The following PPFIA2 variants were observed in gnomAD, a reference collection of about 807,000 sequenced individuals.
The protein encoded by PPFIA2 is liprin-alpha-2.
Under a neutral mutation model 175.5 loss-of-function variants are expected in PPFIA2, and 46 were observed. The ratio of observed to expected loss-of-function variants is 0.26; its 90% confidence interval spans 0.21 to 0.34. The LOEUF (loss-of-function observed/expected upper bound fraction) is 0.34, where lower values mean the gene tolerates loss of function less well. Among genes scored for constraint, PPFIA2 ranks in the 10% least tolerant of loss-of-function variants. PPFIA2 has a pLI of 1.00. For synonymous variants in PPFIA2, 568 were observed against 511.4 expected (o/e 1.11, Z -1.49); for missense variants, 1,179 against 1,506.1 (o/e 0.78, Z 3.60).
rs77226100 is a variant in PPFIA2 at position 81,473,752 on chromosome 12, T to C, written c.304-15886A>G. Among the ~76,000 whole-genome samples, 931 of 152,294 alleles carry C rather than the reference T, an allele frequency of 6.1e-3. 11 individuals are homozygous for C. The highest frequency in any genetic ancestry group is 0.021 in the African/African-American group (883 of 41,548). ...GATCATAGTCCAAGTTAGAAAAATA[T>C]CCTACCAAAAATTGTCCAACTGCAG... is the stretch of plus-strand genomic sequence containing the variant. On this transcript the variant is annotated intron_variant, in intron 4 of 32. Coordinates refer to ENST00000549396, the MANE Select transcript of PPFIA2 (RefSeq NM_003625.5).
chr12:81,514,369 C>A (rs539778816), intron 4 of PPFIA2, among the ~76,000 whole-genome samples: 1 of 152,020 alleles, frequency 6.6e-6, no homozygotes, highest in South Asian at 2.1e-4. Flanking sequence ...TTCACTGTTA[C>A]ATTCTATCAT....
intron 4 of PPFIA2, among the ~76,000 whole-genome samples, chr12:81,629,424 G>A (rs147046421): frequency 1.8e-3 from 268 of 152,054 alleles, no homozygotes; most frequent in African/African-American, 6.3e-3. Context: ...TTGGGGTTGG[G>A]GGAGGGCTGG....
intron 7 of PPFIA2, among the ~76,000 whole-genome samples, chr12:81,439,582 C>T (rs934618138): frequency 9.2e-5 from 14 of 152,010 alleles, no homozygotes; most frequent in African/African-American, 3.4e-4. Flanking sequence ...ATAGGCAGGA[C>T]CTGAGGGCAA....
chr12:81,744,548 A>C (rs889637792), intron 3 of PPFIA2, among the ~76,000 whole-genome samples: 3 of 151,094 alleles, frequency 2.0e-5, no homozygotes, highest in Non-Finnish European at 4.4e-5. Flanking sequence ...TCAGTCTCTC[A>C]AGTAGCTGTG....
chr12:81,529,075 C>G (rs1385756471), intron 4 of PPFIA2, among the ~76,000 whole-genome samples: 1 of 151,924 alleles, frequency 6.6e-6, no homozygotes, highest in Non-Finnish European at 1.5e-5. Flanking sequence ...TAATTTGTAA[C>G]TCATTAATGC....
chr12:81,510,834 C>A (rs1205372324), intron 4 of PPFIA2, among the ~76,000 whole-genome samples: 1 of 151,988 alleles, frequency 6.6e-6, no homozygotes, highest in Non-Finnish European at 1.5e-5. Context: ...GACTAACAAG[C>A]ATAAAAATAA....
intron 21 of PPFIA2, among the ~76,000 whole-genome samples, chr12:81,338,317 T>C (rs1435572243): frequency 6.6e-6 from 1 of 152,080 alleles, no homozygotes; most frequent in African/African-American, 2.4e-5. Context: ...AATTAATATA[T>C]AGAAAGACAA....
chr12:81,340,975 C>CAA, intron 20 of PPFIA2, 103 bp downstream of exon 20: 5 of 1,246,060 alleles, frequency 4.0e-6, no homozygotes, highest in Non-Finnish European at 5.4e-6. Context: ...AATTCTGGCT[C>CAA]AAATAATGTA....
intron 4 of PPFIA2, among the ~76,000 whole-genome samples, chr12:81,625,759 C>T (rs1484672949): frequency 6.7e-6 from 1 of 150,240 alleles, no homozygotes; most frequent in East Asian, 1.9e-4. Context: ...TACCCTCCAA[C>T]ATTTTTCTAA....
chr12:81,447,156 G>A (rs1418653379), intron 5 of PPFIA2, among the ~76,000 whole-genome samples: 3 of 151,858 alleles, frequency 2.0e-5, no homozygotes, highest in African/African-American at 2.4e-5. Flanking sequence ...AATAATAATA[G>A]TAGTTTTTCA....
intron 4 of PPFIA2, among the ~76,000 whole-genome samples, chr12:81,468,973 G>T (rs1522328): frequency 6.6e-6 from 1 of 151,852 alleles, no homozygotes; most frequent in African/African-American, 2.4e-5. Flanking sequence ...GACTCTTCTA[G>T]CCACTCTCTC....
intron 2 of PPFIA2, among the ~76,000 whole-genome samples, chr12:81,755,472 C>T (rs1174283784): frequency 6.6e-6 from 1 of 152,134 alleles, no homozygotes; most frequent in Non-Finnish European, 1.5e-5. Context: ...TCTGCCTATA[C>T]ATTCCTGTCC....
At chr12:81,271,395 C>A (rs1264039767) in intron 28 of PPFIA2, among the ~76,000 whole-genome samples, 1 of 152,142 alleles carries the variant, frequency 6.6e-6, no homozygotes. Context: ...CTCACCCTCC[C>A]AAGTAGCTGG....
At chr12:81,370,530 T>C (rs1414639005) in intron 11 of PPFIA2, among the ~76,000 whole-genome samples, 1 of 151,934 alleles carries the variant, frequency 6.6e-6, no homozygotes, top group African/African-American at 2.4e-5. Context: ...CAAGAAATCT[T>C]GTTTGTGACT....
intron 22 of PPFIA2, among the ~76,000 whole-genome samples, chr12:81,305,842 A>G (rs906918174): frequency 6.6e-6 from 1 of 152,214 alleles, no homozygotes; most frequent in Non-Finnish European, 1.5e-5. Flanking sequence ...GTTAGTGTTT[A>G]TATTTGCAAT....
At chr12:81,422,748 G>C (rs916439976) in intron 7 of PPFIA2, among the ~76,000 whole-genome samples, 1 of 151,876 alleles carries the variant, frequency 6.6e-6, no homozygotes, top group African/African-American at 2.4e-5. Flanking sequence ...ACAACACGTG[G>C]GAATTCAAGA....
At chr12:81,266,919 C>T in intron 30 of PPFIA2, 33 bp downstream of exon 30, 2 of 1,511,968 alleles carry the variant, frequency 1.3e-6, no homozygotes, top group Non-Finnish European at 1.8e-6. Flanking sequence ...CTTTTACTCT[C>T]TCAGATCTCT....
intron 4 of PPFIA2, among the ~76,000 whole-genome samples, chr12:81,517,516 T>C (rs1817788359): frequency 6.6e-6 from 1 of 152,112 alleles, no homozygotes; most frequent in Non-Finnish European, 1.5e-5. Flanking sequence ...CAAGAAACAC[T>C]CCACATGCCT....
chr12:81,678,800 C>T (rs781051562), intron 3 of PPFIA2, among the ~76,000 whole-genome samples: 2 of 151,820 alleles, frequency 1.3e-5, no homozygotes, highest in Non-Finnish European at 2.9e-5. Context: ...TCTCTGCCTG[C>T]AATTCAGCTT....
Sources: allele counts gnomAD v4.1 joint callset (sites outside exome capture counted in the v4.1 genomes callset), GRCh38; gene constraint gnomAD v4.1.1; transcripts MANE v1.5; gene names NCBI Gene and HGNC (gene_info 2026-07-23, HGNC 2026-07-21).